NALCN: variants seen among roughly 807,000 people sequenced by gnomAD.
NALCN encodes the protein sodium leak channel, non-selective, also known as sodium leak channel NALCN.
NALCN carries 111 observed loss-of-function variants against 225.3 expected under a neutral mutation model. That is an observed-to-expected ratio of 0.49 (90% CI 0.42 to 0.58). The LOEUF (loss-of-function observed/expected upper bound fraction) is 0.58. Among genes scored for constraint, NALCN ranks in the 20% least tolerant of loss-of-function variants. NALCN has a pLI of 0.00. For synonymous variants in NALCN, 764 were observed against 769.0 expected, an observed-to-expected ratio of 0.99 and a Z score of 0.11; for missense variants, 1,378 against 2,202.4, an observed-to-expected ratio of 0.63 and a Z score of 7.49.
At chr13:101,208,810 C>T (rs1235642768) in intron 13 of NALCN, among the ~76,000 whole-genome samples, 1 of 152,144 alleles carries the variant, frequency 6.6e-6, no homozygotes, top group Non-Finnish European at 1.5e-5. Flanking sequence ...ACCGCTTGCT[C>T]CCCTTTCACC....
intron 2 of NALCN, among the ~76,000 whole-genome samples, chr13:101,397,069 TATATATATATATATA>T (rs2047317649): frequency 9.7e-5 from 6 of 61,696 alleles, no homozygotes; most frequent in African/African-American, 2.0e-4. Context: ...GAATGTATTA[TATATATATATATATA>T]TATATATATA....
At chr13:101,328,131 T>G (rs761251733) in intron 7 of NALCN, among the ~76,000 whole-genome samples, 11 of 152,180 alleles carry the variant, frequency 7.2e-5, no homozygotes, top group Non-Finnish European at 1.6e-4. Flanking sequence ...GCTTTAAGTC[T>G]TTAGAAGTCC....
intron 37 of NALCN, among the ~76,000 whole-genome samples, chr13:101,071,523 G>A (rs978126853): frequency 7.2e-5 from 11 of 152,210 alleles, no homozygotes; most frequent in South Asian, 6.2e-4. Context: ...CTTTGCTAGC[G>A]TCAAACATTT....
In NALCN at chr13:101,073,618, C is replaced by T; in HGVS notation, c.4163G>A (p.Gly1388Asp). Residue 1388 changes from glycine (G) to aspartate (D), a missense_variant, in exon 37 of 44, where the codon GGT becomes GAT. Around this residue, in one of 19 missense-constraint regions of NALCN, gnomAD observed 76 missense variants for 118.7 expected, o/e 0.64. Coordinates refer to ENST00000251127, the MANE Select transcript of NALCN (RefSeq NM_052867.4). ...AITVLFRIVTGEDWNKIMHDC... is the reference protein window; with the variant it reads ...AITVLFRIVTDEDWNKIMHDC... The stretch of plus-strand genomic sequence containing the variant: ...ATGCATAATCTTGTTCCAGTCTTCA[C>T]CTGTGACAATTCGGAACAGTACGGT... 6.2e-7 allele frequency: 1 copy of T among 1,613,606 alleles called. No homozygotes were observed. Among genetic ancestry groups the T allele is most frequent in the Non-Finnish European group, 8.5e-7 (1 of 1,179,812 alleles).
chr13:101,314,105 G>A (rs2044461681), intron 7 of NALCN, among the ~76,000 whole-genome samples: 1 of 141,014 alleles, frequency 7.1e-6, no homozygotes, highest in Non-Finnish European at 1.5e-5. Context: ...GGTGGGAATT[G>A]AACAATGAGA....
intron 15 of NALCN, among the ~76,000 whole-genome samples, chr13:101,160,047 T>C (rs1028092497): frequency 5.9e-5 from 9 of 152,062 alleles, no homozygotes; most frequent in Non-Finnish European, 1.2e-4. Context: ...CTCTGCCTCC[T>C]GGGTTCAAGC....
intron 6 of NALCN, among the ~76,000 whole-genome samples, chr13:101,374,550 G>C (rs1056871305): frequency 1.3e-5 from 2 of 152,054 alleles, no homozygotes; most frequent in African/African-American, 4.8e-5. Context: ...GCCTCCTAAA[G>C]TGCTGAGATT....
At chr13:101,081,726 GTGTA>G (rs1321101490) in intron 33 of NALCN, 80 bp from the exon 34 acceptor site, 6 of 1,505,858 alleles carry the variant, frequency 4.0e-6, no homozygotes, top group Middle Eastern at 1.8e-4. Context: ...GATGCATTAT[GTGTA>G]TGTATTTTTT....
intron 22 of NALCN, among the ~76,000 whole-genome samples, chr13:101,106,724 G>A (rs1284222352): frequency 1.3e-5 from 2 of 152,178 alleles, no homozygotes; most frequent in African/African-American, 2.4e-5. Context: ...CTTGTCTGCT[G>A]CCATGTAAGA....
chr13:101,057,638 C>T (rs1455477948), intron 43 of NALCN: 2 of 382,442 alleles, frequency 5.2e-6, no homozygotes, highest in Admixed American at 4.2e-5. Flanking sequence ...TGCCTTGAGG[C>T]ACACAGAAAG....
intron 14 of NALCN, chr13:101,180,843 CT>C (rs2039182613): frequency 1.7e-5 from 2 of 119,428 alleles, no homozygotes; most frequent in Admixed American, 8.0e-5. Context: ...CACGCTTTGT[CT>C]CTCTCTCTCT....
At chr13:101,253,229 A>T (rs972721192) in intron 11 of NALCN, among the ~76,000 whole-genome samples, 1 of 152,162 alleles carries the variant, frequency 6.6e-6, no homozygotes, top group Non-Finnish European at 1.5e-5. Flanking sequence ...AATTAATCCA[A>T]AGTAACAAAA....
intron 40 of NALCN, among the ~76,000 whole-genome samples, chr13:101,063,851 T>G (rs573688581): frequency 4.4e-4 from 67 of 152,334 alleles, no homozygotes; most frequent in Non-Finnish European, 4.3e-4. Context: ...AAATAGCTAC[T>G]GCTAGTCAGT....
At chr13:101,353,217 C>T (rs1189617769) in intron 6 of NALCN, among the ~76,000 whole-genome samples, 3 of 152,108 alleles carry the variant, frequency 2.0e-5, no homozygotes, top group Non-Finnish European at 4.4e-5. Context: ...GCCTTTGATA[C>T]CTTACGTGGT....
intron 15 of NALCN, among the ~76,000 whole-genome samples, chr13:101,152,978 C>T (rs990944680): frequency 1.3e-5 from 2 of 152,024 alleles, no homozygotes; most frequent in Non-Finnish European, 2.9e-5. Flanking sequence ...AAAAATGTCA[C>T]ACCAAAGGGA....
At chr13:101,402,316 A>C (rs577781917) in intron 1 of NALCN, among the ~76,000 whole-genome samples, 1 of 152,328 alleles carries the variant, frequency 6.6e-6, no homozygotes, top group South Asian at 2.1e-4. Context: ...GTATCCATTA[A>C]TAAATCTTTT....
intron 3 of NALCN, among the ~76,000 whole-genome samples, chr13:101,388,491 G>A (rs535896743): frequency 6.6e-6 from 1 of 152,136 alleles, no homozygotes; most frequent in African/African-American, 2.4e-5. Flanking sequence ...TGAAAATACT[G>A]GAAATGGCTA....
chr13:101,192,173 C>A, intron 13 of NALCN, 119 bp from the exon 14 acceptor site: 1 of 1,112,238 alleles, frequency 9.0e-7, no homozygotes, highest in Non-Finnish European at 1.2e-6. Flanking sequence ...CTGATCAGGG[C>A]AAGAACAGTC....
chr13:101,396,245 T>C (rs1412116867), intron 2 of NALCN, among the ~76,000 whole-genome samples: 1 of 152,120 alleles, frequency 6.6e-6, no homozygotes, highest in African/African-American at 2.4e-5. Flanking sequence ...TATTTTATTA[T>C]GAAAACTAGT....
Sources: gnomAD v4.1 joint callset for allele counts (sites outside exome capture counted in the v4.1 genomes callset) on GRCh38, gnomAD v4.1.1 for gene constraint, gnomAD v4.1.1 regional missense constraint, MANE v1.5 for transcripts, NCBI Gene and HGNC (gene_info 2026-07-23, HGNC 2026-07-21) for gene names.